Variants in DOK5 observed in about 807,000 individuals in gnomAD.
DOK5 encodes downstream of tyrosine kinase 5.
In DOK5, 27 loss-of-function variants were observed where a neutral mutation model predicts 43.3. The ratio of observed to expected loss-of-function variants is 0.62; its 90% CI spans 0.46 to 0.86. DOK5 has a LOEUF of 0.86. Ranked by LOEUF, DOK5 falls within the 40% of genes least tolerant of loss-of-function variation. The pLI, the probability that DOK5 is intolerant of heterozygous loss-of-function variation, is 0.00. For synonymous variants in DOK5, 146 were observed against 140.1 expected (o/e 1.04, Z -0.30); for missense variants, 373 against 392.9 (o/e 0.95, Z 0.43).
At chr20:54,497,573 A>G (rs978106772) in intron 1 of DOK5, among the ~76,000 whole-genome samples, 4 of 152,188 alleles carry the variant, frequency 2.6e-5, no homozygotes, top group Non-Finnish European at 5.9e-5. Context: ...ATGTTACTCC[A>G]TTTGCTATAT....
rs6023287 is a variant in DOK5, at chr20:54,492,413, A to G, written c.66+16401A>G. ...AAATTTTTATGAATGGTCAATATTC[A>G]TTTTTTTCTATGTCACAATTTCTTT... is the stretch of plus-strand genomic sequence containing the variant. On this transcript the variant is annotated intron_variant, in intron 1 of 7. Coordinates refer to ENST00000262593, the MANE Select transcript of DOK5 (RefSeq NM_018431.5). Among the ~76,000 whole-genome samples the G allele has an allele frequency of 2.0e-4, 31 of 152,154 alleles. 1 individual carries two copies. Among genetic ancestry groups the G allele is most frequent in the African/African-American group, 7.5e-4 (31 of 41,536 alleles).
intron 7 of DOK5, among the ~76,000 whole-genome samples, chr20:54,648,362 A>G (rs1382910213): frequency 6.6e-6 from 1 of 152,156 alleles, no homozygotes; most frequent in African/African-American, 2.4e-5. Flanking sequence ...AGTTAATTTC[A>G]GATTTGGTAT....
intron 5 of DOK5, among the ~76,000 whole-genome samples, chr20:54,598,653 C>T (rs1310033995): frequency 6.6e-6 from 1 of 152,210 alleles, no homozygotes; most frequent in Non-Finnish European, 1.5e-5. Context: ...GCAGAACGTA[C>T]TAAATAATTA....
chr20:54,537,914 C>T (rs1441097544), intron 1 of DOK5, among the ~76,000 whole-genome samples: 1 of 139,508 alleles, frequency 7.2e-6, no homozygotes, highest in Non-Finnish European at 1.5e-5. Flanking sequence ...TCTCAGCTTA[C>T]TGCAACCTCT....
chr20:54,650,368 G>A (rs778767434), intron 7 of DOK5, 47 bp from the exon 8 acceptor site: 2 of 1,586,498 alleles, frequency 1.3e-6, no homozygotes, highest in South Asian at 2.2e-5. Context: ...TTTGATTGTG[G>A]GCTTTCTTGA....
intron 4 of DOK5, among the ~76,000 whole-genome samples, chr20:54,591,276 G>GA (rs917112053): frequency 4.0e-5 from 6 of 150,632 alleles, no homozygotes; most frequent in African/African-American, 1.2e-4. Flanking sequence ...TTCTTGGCAG[G>GA]AAAAAAAAAT....
rs114949781 is a variant in DOK5, at chr20:54,578,248, T to A, written c.175-10235T>A. 7.4e-3 allele frequency among the ~76,000 whole-genome samples: 1,120 copies of A among 152,248 alleles called. 12 individuals carry two copies. The highest frequency in any genetic ancestry group is 0.025 in the African/African-American group (1,057 of 41,548). On this transcript the variant is annotated intron_variant, in intron 2 of 7. Coordinates refer to ENST00000262593, the MANE Select transcript of DOK5 (RefSeq NM_018431.5). ...TCAAAAATCAGATTAAATATAGAAT[T>A]AAGCTGGGATTTTGAAATTTAATAC...
chr20:54,561,288 C>A (rs534544445), intron 2 of DOK5, among the ~76,000 whole-genome samples: 47 of 152,138 alleles, frequency 3.1e-4, no homozygotes, highest in Non-Finnish European at 4.8e-4. Flanking sequence ...TGGGGCTGAT[C>A]CCTTCTTCTT....
At chr20:54,545,949 C>G (rs936852099) in intron 1 of DOK5, among the ~76,000 whole-genome samples, 1 of 152,148 alleles carries the variant, frequency 6.6e-6, no homozygotes, top group Non-Finnish European at 1.5e-5. Flanking sequence ...TTATGATAAG[C>G]ATGAAAATAA....
At chr20:54,518,130 C>CT (rs1983263639) in intron 1 of DOK5, among the ~76,000 whole-genome samples, 1 of 151,910 alleles carries the variant, frequency 6.6e-6, no homozygotes, top group Admixed American at 6.6e-5. Flanking sequence ...TTTCTTTTTT[C>CT]TTTTTTATTA....
chr20:54,648,321 G>A (rs1979536642), intron 7 of DOK5, among the ~76,000 whole-genome samples: 2 of 152,100 alleles, frequency 1.3e-5, no homozygotes, highest in South Asian at 4.1e-4. Context: ...ATAATCTAAT[G>A]GAGAGTCACA....
At chr20:54,597,322 T>C (rs1277260653) in intron 5 of DOK5, among the ~76,000 whole-genome samples, 2 of 152,162 alleles carry the variant, frequency 1.3e-5, no homozygotes, top group Non-Finnish European at 2.9e-5. Context: ...GGGGTGTTAC[T>C]GGCATCTAGT....
intron 5 of DOK5, among the ~76,000 whole-genome samples, chr20:54,597,332 T>C (rs1986172423): frequency 6.6e-6 from 1 of 152,118 alleles, no homozygotes; most frequent in Non-Finnish European, 1.5e-5. Context: ...TGGCATCTAG[T>C]GCATAAAAGG....
rs200424144 is a variant in DOK5 at position 54,475,925 on chromosome 20, G to C, written c.-22G>C. 2.5e-5 allele frequency: 40 copies of C among 1,612,514 alleles called. No homozygotes were observed. The highest frequency in any genetic ancestry group is 6.6e-5 in the South Asian group (6 of 90,420). On this transcript the variant is annotated 5_prime_UTR_variant, in exon 1 of 8. Transcript: ENST00000262593. This position sits in a 1 kb window ranked among gnomAD's most constrained non-coding sequence, Gnocchi z 4.2. ...TTCGGGTGCGCGCTCTTGGGTAAAG[G>C]GGGGGTCACCGGCTGTCTGGGATGG...
At chr20:54,598,402 T>G (rs1040026757) in intron 5 of DOK5, among the ~76,000 whole-genome samples, 10 of 152,216 alleles carry the variant, frequency 6.6e-5, no homozygotes, top group Non-Finnish European at 1.3e-4. Flanking sequence ...GCACTAATTT[T>G]TTATGGGAAG....
At chr20:54,617,816 C>T (rs1265406936) in intron 6 of DOK5, among the ~76,000 whole-genome samples, 1 of 152,178 alleles carries the variant, frequency 6.6e-6, no homozygotes. Context: ...TACTTTATGG[C>T]ACTTGCTAGT....
Position 54,650,468 on chromosome 20 carries a change from T to C in DOK5, c.910T>C (p.Ser304Pro), listed in dbSNP as rs200965457. The change falls in exon 8 of 8, where the codon TCT becomes CCT. Residue 304 changes from serine to proline, a missense_variant. By Grantham distance (74) the Ser-to-Pro change is moderately conservative. Transcript: ENST00000262593. ...HRTETFPAYRSEH is the reference protein window; with the variant it reads ...HRTETFPAYRPEH ...AACAGAGACTTTTCCAGCCTACAGA[T>C]CTGAGCACTGACAGTAACTGCCAAG... 1.4e-5 allele frequency: 23 copies of C among 1,613,918 alleles called. No homozygotes were observed. The highest frequency in any genetic ancestry group is 1.9e-5 in the Non-Finnish European group (22 of 1,180,002).
intron 6 of DOK5, among the ~76,000 whole-genome samples, chr20:54,637,080 T>G (rs1278625559): frequency 6.6e-6 from 1 of 152,196 alleles, no homozygotes; most frequent in Non-Finnish European, 1.5e-5. Flanking sequence ...ATCACAGGTC[T>G]CTTAGTTCCA....
intron 7 of DOK5, among the ~76,000 whole-genome samples, chr20:54,647,062 G>A (rs1034586824): frequency 3.9e-5 from 6 of 152,108 alleles, no homozygotes; most frequent in African/African-American, 1.4e-4. Flanking sequence ...ACAGTTTTTG[G>A]TGGGGAAAGG....
Sources: allele counts gnomAD v4.1 joint callset (sites outside exome capture counted in the v4.1 genomes callset), GRCh38; gene constraint gnomAD v4.1.1; non-coding constraint Gnocchi (gnomAD v3.1); transcripts MANE v1.5; gene names NCBI Gene and HGNC (gene_info 2026-07-23, HGNC 2026-07-21).